The following SUGCT variants were observed in gnomAD, a reference collection of about 807,000 sequenced individuals.
SUGCT encodes the protein succinyl-CoA:glutarate CoA-transferase.
A neutral mutation model predicts 55.0 loss-of-function variants in SUGCT; 41 were observed. The observed-to-expected ratio is 0.74, with a 90% CI of 0.58 to 0.97. SUGCT has a LOEUF of 0.97. SUGCT is among the 50% of genes least tolerant of loss of function. SUGCT has a pLI of 0.00. For synonymous variants in SUGCT, 187 were observed against 200.4 expected (o/e 0.93, Z 0.56); for missense variants, 568 against 547.8 (o/e 1.04, Z -0.37).
intron 13 of SUGCT, among the ~76,000 whole-genome samples, chr7:40,821,072 A>G (rs545744367): frequency 2.1e-3 from 324 of 152,140 alleles, no homozygotes; most frequent in African/African-American, 7.5e-3. Flanking sequence ...ATGTTTATTG[A>G]TTTGCATATG....
At chr7:40,884,444 C>T in the SUGCT span, among the ~76,000 whole-genome samples, 1 of 152,118 alleles carries the variant, frequency 6.6e-6, no homozygotes, top group Non-Finnish European at 1.5e-5. Flanking sequence ...ACTGAGTTTC[C>T]CTGAACTCAG....
chr7:40,349,624 G>A (rs1016449268), intron 9 of SUGCT, among the ~76,000 whole-genome samples: 3 of 151,728 alleles, frequency 2.0e-5, no homozygotes, highest in Non-Finnish European at 2.9e-5. Flanking sequence ...AGGTTTTGCC[G>A]CTTGCTCCTC....
At chr7:40,836,142 T>C (rs957555833) in intron 13 of SUGCT, among the ~76,000 whole-genome samples, 2 of 151,932 alleles carry the variant, frequency 1.3e-5, no homozygotes, top group African/African-American at 4.8e-5. Flanking sequence ...CAAACAATCC[T>C]CTCAACTCAG....
At chr7:40,317,254 G>A (rs1233258502) in intron 9 of SUGCT, among the ~76,000 whole-genome samples, 1 of 151,948 alleles carries the variant, frequency 6.6e-6, no homozygotes. Context: ...ATTCTCACAG[G>A]ATTGAAGTAA....
chr7:40,673,317 C>G (rs529373883), intron 12 of SUGCT, among the ~76,000 whole-genome samples: 2 of 152,226 alleles, frequency 1.3e-5, no homozygotes, highest in East Asian at 1.9e-4. Context: ...GTGTCTGTTA[C>G]TCTCACCAAC....
chr7:40,175,382 G>T (rs1483842712), intron 1 of SUGCT, among the ~76,000 whole-genome samples: 1 of 152,084 alleles, frequency 6.6e-6, no homozygotes, highest in Non-Finnish European at 1.5e-5. Context: ...AACATGCCCA[G>T]CTGCTTTTTG....
intron 12 of SUGCT, among the ~76,000 whole-genome samples, chr7:40,710,431 GGTGA>G (rs910176139): frequency 5.3e-5 from 8 of 152,076 alleles, no homozygotes; most frequent in Admixed American, 6.6e-5. Context: ...TTTTATAGAT[GGTGA>G]GTAAGGGGCA....
intron 11 of SUGCT, among the ~76,000 whole-genome samples, chr7:40,463,201 C>G (rs74615151): frequency 6.6e-6 from 1 of 152,026 alleles, no homozygotes; most frequent in Non-Finnish European, 1.5e-5. Flanking sequence ...ATCTTTAAAA[C>G]GTGAAAATGT....
At chr7:40,713,641 A>C (rs1172669541) in intron 12 of SUGCT, among the ~76,000 whole-genome samples, 1 of 152,244 alleles carries the variant, frequency 6.6e-6, no homozygotes, top group Admixed American at 6.5e-5. Context: ...TTTGGGCCTT[A>C]ACCACAACAG....
rs568934969 is a variant in SUGCT, at chr7:40,170,855, A to G, written c.101-10092A>G. Among the ~76,000 whole-genome samples the G allele has an allele frequency of 2.5e-4, 38 of 152,176 alleles. No individual in the cohort carries two copies. The East Asian group carries it at 7.0e-3, about 28-fold the overall frequency. On this transcript the variant is annotated intron_variant, in intron 1 of 13. Coordinates refer to ENST00000335693, the MANE Select transcript of SUGCT (RefSeq NM_001193313.2). ...ACGCTTACTGATGTAGCAGTCCTGCACCTCTTTTCCTGCCTCTCTTGACCA... is the reference window on the plus strand; with the variant it reads ...ACGCTTACTGATGTAGCAGTCCTGCGCCTCTTTTCCTGCCTCTCTTGACCA...
intron 12 of SUGCT, among the ~76,000 whole-genome samples, chr7:40,579,446 C>T (rs925584074): frequency 5.9e-5 from 9 of 152,118 alleles, no homozygotes; most frequent in African/African-American, 1.7e-4. Context: ...GTCAGGCCCA[C>T]GATGGAATCC....
chr7:40,466,638 A>G (rs1050273598), intron 11 of SUGCT, among the ~76,000 whole-genome samples: 1 of 152,198 alleles, frequency 6.6e-6, no homozygotes, highest in African/African-American at 2.4e-5. Flanking sequence ...CAGTCAGTGA[A>G]CATGTGAAGC....
chr7:40,638,249 A>G (rs1800106480), intron 12 of SUGCT, among the ~76,000 whole-genome samples: 1 of 152,240 alleles, frequency 6.6e-6, no homozygotes, highest in Non-Finnish European at 1.5e-5. Flanking sequence ...GCAATTAATT[A>G]CTACTAGTTA....
At chr7:40,880,025 A>G in the SUGCT span, among the ~76,000 whole-genome samples, 1 of 152,226 alleles carries the variant, frequency 6.6e-6, no homozygotes, top group East Asian at 1.9e-4. Flanking sequence ...CCAAGGAGCA[A>G]TAGGCCTCAA....
At chr7:40,210,238 G>C (rs1043537570) in intron 6 of SUGCT, among the ~76,000 whole-genome samples, 2 of 151,850 alleles carry the variant, frequency 1.3e-5, no homozygotes, top group African/African-American at 4.8e-5. Flanking sequence ...AGTAGAGACA[G>C]AGTTTCACCA....
intron 9 of SUGCT, among the ~76,000 whole-genome samples, chr7:40,378,381 A>G (rs527327180): frequency 1.6e-4 from 24 of 152,296 alleles, no homozygotes; most frequent in East Asian, 7.7e-4. Context: ...TTCTTCTGCC[A>G]CTGCAAATCT....
rs60149673 is a variant in SUGCT at position 40,215,861 on chromosome 7, CA to C, written c.484+20815del. ...TGGGCGACACAGCAAGACTCCGTCT[CA>C]AAAAAAAAAAAAATTAAGAGATTAA... On this transcript the variant is annotated intron_variant, in intron 6 of 13. Coordinates refer to ENST00000335693, the MANE Select transcript of SUGCT (RefSeq NM_001193313.2). Among the ~76,000 whole-genome samples, 878 of 109,138 alleles carry C rather than the reference CA, an allele frequency of 8.0e-3. 6 individuals are homozygous for C. The highest frequency in any genetic ancestry group is 0.021 in the African/African-American group (635 of 29,666). 71.6% of individuals were successfully genotyped at this position (109,138 alleles called of 152,430 possible).
At chr7:40,392,443 G>A (rs945862791) in intron 9 of SUGCT, among the ~76,000 whole-genome samples, 4 of 152,042 alleles carry the variant, frequency 2.6e-5, no homozygotes, top group Non-Finnish European at 5.9e-5. Context: ...CTATAGAGGC[G>A]GGTAGAGGGT....
intron 13 of SUGCT, among the ~76,000 whole-genome samples, chr7:40,767,253 T>G (rs1366943177): frequency 6.6e-6 from 1 of 152,094 alleles, no homozygotes; most frequent in African/African-American, 2.4e-5. Flanking sequence ...CTCAAAAGGG[T>G]GTAATATTAA....
Sources: gnomAD v4.1 joint callset for allele counts (sites outside exome capture counted in the v4.1 genomes callset) on GRCh38, gnomAD v4.1.1 for gene constraint, MANE v1.5 for transcripts, NCBI Gene and HGNC (gene_info 2026-07-23, HGNC 2026-07-21) for gene names.